ASTN2: variants seen among roughly 807,000 people sequenced by gnomAD.
The protein encoded by ASTN2 is astrotactin-2.
ASTN2 carries 54 observed loss-of-function variants against 139.8 expected under a neutral mutation model. The observed-to-expected ratio is 0.39, with a 90% CI of 0.31 to 0.48. The LOEUF (loss-of-function observed/expected upper bound fraction) is 0.48. Among genes scored for constraint, ASTN2 ranks in the 20% least tolerant of loss-of-function variants. ASTN2 has a pLI of 0.95. For synonymous variants in ASTN2, 756 were observed against 719.5 expected, an observed-to-expected ratio of 1.05 and a Z score of -0.81; for missense variants, 1,565 against 1,725.1, an observed-to-expected ratio of 0.91 and a Z score of 1.64.
chr9:117,071,263 C>T (rs918049735), intron 5 of ASTN2, among the ~76,000 whole-genome samples: 1 of 151,248 alleles, frequency 6.6e-6, no homozygotes, highest in Non-Finnish European at 1.5e-5. Context: ...TGTTGGAATA[C>T]CCTGCCGTGT....
intron 19 of ASTN2, among the ~76,000 whole-genome samples, chr9:116,563,203 G>A (rs12341080): frequency 0.27 from 41,551 of 151,340 alleles, 6,545 homozygotes; most frequent in Admixed American, 0.41. Context: ...GTGAAACCCC[G>A]TCTCTATTAA....
At chr9:116,487,814 T>C (rs1380712381) in intron 19 of ASTN2, among the ~76,000 whole-genome samples, 1 of 152,190 alleles carries the variant, frequency 6.6e-6, no homozygotes, top group Non-Finnish European at 1.5e-5. Context: ...ATTATGCTTT[T>C]TTTTTTCTGT....
At chr9:117,234,960 G>A (rs761451157) in intron 2 of ASTN2, among the ~76,000 whole-genome samples, 2 of 152,188 alleles carry the variant, frequency 1.3e-5, no homozygotes, top group Non-Finnish European at 2.9e-5. Context: ...AAGGCTGGGC[G>A]CAGTGGCTCA....
chr9:116,491,022 T>C (rs996953191), intron 19 of ASTN2, among the ~76,000 whole-genome samples: 10 of 152,208 alleles, frequency 6.6e-5, no homozygotes, highest in African/African-American at 2.4e-4. Flanking sequence ...CATAAACATG[T>C]CAGGTCAGTA....
chr9:117,078,961 C>T (rs182115000), intron 5 of ASTN2, among the ~76,000 whole-genome samples: 16 of 152,276 alleles, frequency 1.1e-4, no homozygotes, highest in African/African-American at 3.6e-4. Context: ...GTCTTGAACT[C>T]CTGACCTCAG....
At chr9:117,334,452 G>A (rs1276714908) in intron 1 of ASTN2, among the ~76,000 whole-genome samples, 1 of 150,466 alleles carries the variant, frequency 6.6e-6, no homozygotes, top group Non-Finnish European at 1.5e-5. Context: ...CAGGGTCACT[G>A]TAAGGATTAC....
chr9:117,112,751 T>A (rs12683490), intron 4 of ASTN2, among the ~76,000 whole-genome samples: 25,498 of 151,902 alleles, frequency 0.17, 2,511 homozygotes, highest in Non-Finnish European at 0.22. Flanking sequence ...AGAAAAAAAT[T>A]GAGAAACTGG....
At chr9:116,729,731 A>G (rs957162378) in intron 14 of ASTN2, among the ~76,000 whole-genome samples, 3 of 152,368 alleles carry the variant, frequency 2.0e-5, no homozygotes, top group Non-Finnish European at 2.9e-5. Context: ...CATAAGTATT[A>G]TGTAAAATAT....
chr9:116,939,487 G>A (rs1835168329), intron 10 of ASTN2, among the ~76,000 whole-genome samples: 1 of 151,860 alleles, frequency 6.6e-6, no homozygotes, highest in Non-Finnish European at 1.5e-5. Flanking sequence ...TTTCTTCTTT[G>A]TAACTCCCCA....
At chr9:117,334,889 AC>A (rs1828832007) in intron 1 of ASTN2, among the ~76,000 whole-genome samples, 1 of 152,138 alleles carries the variant, frequency 6.6e-6, no homozygotes, top group Non-Finnish European at 1.5e-5. Flanking sequence ...CACCATCTCT[AC>A]TAAAAATACA....
chr9:117,354,100 G>A (rs890726223), intron 1 of ASTN2, among the ~76,000 whole-genome samples: 1 of 152,140 alleles, frequency 6.6e-6, no homozygotes, highest in African/African-American at 2.4e-5. Context: ...TACTCTGGTG[G>A]GAAGATGTAT....
chr9:117,070,017 T>A (rs1490395414), intron 5 of ASTN2, among the ~76,000 whole-genome samples: 4 of 150,190 alleles, frequency 2.7e-5, no homozygotes, highest in African/African-American at 9.9e-5. Flanking sequence ...ACACTTAAAG[T>A]TAATATTGTT....
chr9:117,124,555 G>A (rs1166108946), intron 4 of ASTN2, among the ~76,000 whole-genome samples: 1 of 152,066 alleles, frequency 6.6e-6, no homozygotes, highest in African/African-American at 2.4e-5. Context: ...CAACTTAAAT[G>A]GTATCTTTTA....
chr9:117,044,678 A>C (rs1838680819), intron 5 of ASTN2, among the ~76,000 whole-genome samples: 1 of 152,252 alleles, frequency 6.6e-6, no homozygotes, highest in Admixed American at 6.5e-5. Flanking sequence ...CTGAGTGATT[A>C]CTATGATCCA....
At chr9:116,738,686 C>A (rs1354633289) in intron 13 of ASTN2, among the ~76,000 whole-genome samples, 1 of 152,108 alleles carries the variant, frequency 6.6e-6, no homozygotes, top group African/African-American at 2.4e-5. Flanking sequence ...TATCATTATT[C>A]CCACTTTATA....
rs74548120 is a variant in ASTN2 at position 117,220,086 on chromosome 9, G to T, written c.631-5344C>A. Among the ~76,000 whole-genome samples, 722 of 152,286 alleles carry T rather than the reference G, an allele frequency of 4.7e-3. 8 individuals carry two copies. The highest frequency in any genetic ancestry group is 6.2e-3 in the Non-Finnish European group (419 of 68,026). On this transcript the variant is annotated intron_variant, in intron 2 of 22. Transcript: ENST00000313400. Reference sequence around the variant, plus strand: ...TAAGGATTAAACAAGACATTCAAAGGTCTGGATAAAGGATCTGGCACCACA... The same window carrying T: ...TAAGGATTAAACAAGACATTCAAAGTTCTGGATAAAGGATCTGGCACCACA...
intron 1 of ASTN2, among the ~76,000 whole-genome samples, chr9:117,314,589 A>G (rs1371349570): frequency 6.8e-6 from 1 of 147,484 alleles, no homozygotes; most frequent in African/African-American, 2.5e-5. Context: ...ATATTATCAT[A>G]TATTTTATAT....
intron 10 of ASTN2, among the ~76,000 whole-genome samples, chr9:116,878,244 A>G (rs1314249815): frequency 6.6e-6 from 1 of 152,256 alleles, no homozygotes; most frequent in Non-Finnish European, 1.5e-5. Flanking sequence ...TTATAAAGAT[A>G]CATGGCATGT....
intron 19 of ASTN2, among the ~76,000 whole-genome samples, chr9:116,597,583 C>T (rs1854655764): frequency 6.6e-6 from 1 of 152,016 alleles, no homozygotes; most frequent in Non-Finnish European, 1.5e-5. Flanking sequence ...AACCACCATG[C>T]CTGGCCTTGA....
Sources: gnomAD v4.1 joint callset for allele counts (sites outside exome capture counted in the v4.1 genomes callset) on GRCh38, gnomAD v4.1.1 for gene constraint, MANE v1.5 for transcripts, NCBI Gene and HGNC (gene_info 2026-07-23, HGNC 2026-07-21) for gene names.